Variants in LEO1 observed in about 807,000 individuals in gnomAD.
The protein encoded by LEO1 is RNA polymerase-associated protein LEO1.
In LEO1, 34 loss-of-function variants were observed where a neutral mutation model predicts 80.4. That is an observed-to-expected ratio of 0.42 (90% CI 0.32 to 0.56). LEO1 has a LOEUF of 0.56. LEO1 is among the 20% of genes least tolerant of loss of function. The pLI is 0.10. For missense variants in LEO1, 631 were observed against 814.2 expected (o/e 0.77, Z 2.74); for synonymous variants, 262 against 274.9 (o/e 0.95, Z 0.46).
chr15:51,947,622 C>T (rs1048889705), intron 10 of LEO1, among the ~76,000 whole-genome samples: 19 of 151,906 alleles, frequency 1.3e-4, no homozygotes, highest in African/African-American at 4.6e-4. Context: ...TGAAGTCTTG[C>T]CATGTTGCCC....
At chr15:51,947,243 GCTC>G in intron 11 of LEO1, 46 bp downstream of exon 11, 1 of 1,210,136 alleles carries the variant, frequency 8.3e-7, no homozygotes, top group Non-Finnish European at 1.2e-6. Context: ...AAAGCAGTTG[GCTC>G]CTGAGTACAG....
chr15:51,955,492 G>A (rs185696140), intron 6 of LEO1, among the ~76,000 whole-genome samples: 54 of 152,334 alleles, frequency 3.5e-4, no homozygotes, highest in Non-Finnish European at 6.3e-4. Flanking sequence ...TGAAAGTAAA[G>A]TCAGTGGGAT....
chr15:51,943,547 A>C (rs2056873772), intron 11 of LEO1, among the ~76,000 whole-genome samples: 1 of 151,454 alleles, frequency 6.6e-6, no homozygotes, highest in South Asian at 2.1e-4. Context: ...TAAAAGTACA[A>C]AAATTAGCCA....
At chr15:51,959,805 T>G in intron 5 of LEO1, 94 bp downstream of exon 5, 1 of 1,216,186 alleles carries the variant, frequency 8.2e-7, no homozygotes, top group Non-Finnish European at 1.1e-6. Flanking sequence ...ATTTTCCGTT[T>G]TTGTGATTTG....
intron 3 of LEO1, among the ~76,000 whole-genome samples, chr15:51,961,042 G>T (rs116397891): frequency 1.6e-4 from 24 of 152,206 alleles, no homozygotes; most frequent in Middle Eastern, 3.4e-3. Context: ...TCAAAGTTGG[G>T]GCTGAAGCAC....
intron 6 of LEO1, among the ~76,000 whole-genome samples, 154 bp downstream of exon 6, chr15:51,958,588 T>G (rs1022257904): frequency 6.6e-6 from 1 of 152,192 alleles, no homozygotes; most frequent in Non-Finnish European, 1.5e-5. Context: ...TACAATAAAA[T>G]TCTTTCCTAA....
chr15:51,953,517 G>A (rs2056965048), intron 7 of LEO1, among the ~76,000 whole-genome samples: 1 of 152,072 alleles, frequency 6.6e-6, no homozygotes, highest in Non-Finnish European at 1.5e-5. Flanking sequence ...GCCTTCGGGA[G>A]GCTGAGACAG....
In LEO1 at chr15:51,967,718, C is replaced by T. The variant is rs553108589; in HGVS notation, c.59-1214G>A. ...GATTTTTCATCAGAAACCAAGGAATCCCAGAGCCATCCATAAGAGGACACA... is the reference window on the plus strand; with the variant it reads ...GATTTTTCATCAGAAACCAAGGAATTCCAGAGCCATCCATAAGAGGACACA... On this transcript the variant is annotated intron_variant, in intron 1 of 11. Coordinates refer to ENST00000299601, the MANE Select transcript of LEO1 (RefSeq NM_138792.4). Among the ~76,000 whole-genome samples the T allele has an allele frequency of 8.5e-5, 13 of 152,276 alleles. No individual in the cohort carries two copies. The South Asian group carries it at 2.7e-3, about 32-fold the overall frequency.
At position 51,966,236 on chromosome 15, in the gene LEO1, T is replaced by A; in HGVS notation, c.327A>T (p.Gly109=). The A allele has an allele frequency of 1.2e-6, 2 of 1,613,998 alleles. No individual in the cohort carries two copies. Among genetic ancestry groups the A allele is most frequent in the Non-Finnish European group, 1.7e-6 (2 of 1,180,028 alleles). The change falls in exon 2 of 12, where the codon GGA becomes GGT. Residue 109 remains glycine, a synonymous_variant. Transcript: ENST00000299601. ...NDPSDVDQHS[G]SEAPNDDEDE... ...CTTCATCATCATTAGGGGCTTCTGATCCACTGTGCTGATCTACATCTGAGG... is the reference window on the plus strand; with the variant it reads ...CTTCATCATCATTAGGGGCTTCTGAACCACTGTGCTGATCTACATCTGAGG...
At chr15:51,958,089 G>A (rs754043029) in intron 6 of LEO1, among the ~76,000 whole-genome samples, 6 of 152,144 alleles carry the variant, frequency 3.9e-5, no homozygotes, top group Non-Finnish European at 7.3e-5. Flanking sequence ...TTTAAGAATT[G>A]AAAATGCATA....
intron 1 of LEO1, among the ~76,000 whole-genome samples, chr15:51,967,061 G>T (rs1297340308): frequency 6.6e-6 from 1 of 152,138 alleles, no homozygotes; most frequent in Non-Finnish European, 1.5e-5. Context: ...GAAACAGAAA[G>T]AAAAAAGAAT....
rs540259937 is a variant in LEO1 at position 51,969,576 on chromosome 15, A to G, written c.58+2112T>C. 2.4e-3 allele frequency among the ~76,000 whole-genome samples: 355 copies of G among 148,910 alleles called. 1 individual carries two copies. The highest frequency in any genetic ancestry group is 8.5e-3 in the African/African-American group (341 of 40,008). On this transcript the variant is annotated intron_variant, in intron 1 of 11. Transcript: ENST00000299601. ...CTTGAACCCAGGAGGCAAAGGCAGGAGAATCGCTTGAACCTAGCACTTTGA... is the reference window on the plus strand; with the variant it reads ...CTTGAACCCAGGAGGCAAAGGCAGGGGAATCGCTTGAACCTAGCACTTTGA...
Position 51,953,111 on chromosome 15 carries a change from A to C in LEO1, c.1475+18T>G, listed in dbSNP as rs746110905. The C allele has an allele frequency of 3.1e-6, 5 of 1,592,480 alleles. No homozygotes were observed. The South Asian group carries it at 5.6e-5, about 18-fold the overall frequency. On this transcript the variant is annotated intron_variant, in intron 8 of 11. Transcript: ENST00000299601. Reference sequence around the variant, plus strand: ...GCTTTTACCATAAGAAATAATACATAATAATAATAACAGTTACCTGAAGGT... The same window carrying C: ...GCTTTTACCATAAGAAATAATACATCATAATAATAACAGTTACCTGAAGGT...
At chr15:51,942,804 C>T (rs975262367) in intron 11 of LEO1, among the ~76,000 whole-genome samples, 1 of 151,746 alleles carries the variant, frequency 6.6e-6, no homozygotes, top group African/African-American at 2.4e-5. Context: ...TGCCTATAAT[C>T]CCAACTACTA....
chr15:51,968,892 A>G (rs2057100029), intron 1 of LEO1, among the ~76,000 whole-genome samples: 2 of 152,188 alleles, frequency 1.3e-5, no homozygotes, highest in Non-Finnish European at 2.9e-5. Context: ...CAAACCATGT[A>G]TCTGATAAGT....
intron 11 of LEO1, among the ~76,000 whole-genome samples, chr15:51,940,957 G>A (rs943660474): frequency 2.0e-5 from 3 of 151,820 alleles, no homozygotes; most frequent in South Asian, 2.1e-4. Context: ...AATTAGCCAG[G>A]CATGGATTTG....
chr15:51,955,974 C>T (rs1414603668), intron 6 of LEO1, among the ~76,000 whole-genome samples: 7 of 152,112 alleles, frequency 4.6e-5, no homozygotes, highest in African/African-American at 1.7e-4. Flanking sequence ...ATTGTTAACT[C>T]GACAACTGTT....
At chr15:51,956,361 A>T (rs937801034) in intron 6 of LEO1, among the ~76,000 whole-genome samples, 2 of 143,916 alleles carry the variant, frequency 1.4e-5, no homozygotes, top group South Asian at 2.4e-4. Flanking sequence ...CGGGGGTTGC[A>T]GTGAGCTGAG....
At chr15:51,943,253 C>T (rs1413851507) in intron 11 of LEO1, among the ~76,000 whole-genome samples, 2 of 151,642 alleles carry the variant, frequency 1.3e-5, no homozygotes, top group Middle Eastern at 3.2e-3. Flanking sequence ...GTGGCGGGCA[C>T]CTGTAATCCC....
Sources: allele counts gnomAD v4.1 joint callset (sites outside exome capture counted in the v4.1 genomes callset), GRCh38; gene constraint gnomAD v4.1.1; transcripts MANE v1.5; gene names NCBI Gene and HGNC (gene_info 2026-07-23, HGNC 2026-07-21).